VAT1L: variants seen among roughly 807,000 people sequenced by gnomAD.
The protein encoded by VAT1L is vesicle amine transport 1 like, also known as putative NADPH-dependent quinone oxidoreductase VAT1L.
Under a neutral mutation model 44.1 loss-of-function variants are expected in VAT1L, and 34 were observed. That is an observed-to-expected ratio of 0.77 (90% CI 0.59 to 1.03). The LOEUF is 1.03. Among genes scored for constraint, VAT1L ranks in the 50% least tolerant of loss-of-function variants. VAT1L has a pLI of 0.00. For missense variants in VAT1L, 615 were observed against 538.8 expected, an observed-to-expected ratio of 1.14 and a Z score of -1.40; for synonymous variants, 253 against 202.2, an observed-to-expected ratio of 1.25 and a Z score of -2.13.
chr16:77,857,121 C>G (rs908652526), intron 3 of VAT1L, among the ~76,000 whole-genome samples: 1 of 152,160 alleles, frequency 6.6e-6, no homozygotes, highest in Admixed American at 6.5e-5. Flanking sequence ...AGAATTCTTA[C>G]GTTCAAAAGA....
chr16:77,808,191 G>T (rs976841773), intron 1 of VAT1L, among the ~76,000 whole-genome samples: 1 of 152,084 alleles, frequency 6.6e-6, no homozygotes, highest in African/African-American at 2.4e-5. Flanking sequence ...ATCAGCGGCA[G>T]CATTAGGTTC....
chr16:77,858,360 T>C (rs1454469659), intron 3 of VAT1L, among the ~76,000 whole-genome samples: 1 of 152,142 alleles, frequency 6.6e-6, no homozygotes, highest in African/African-American at 2.4e-5. Flanking sequence ...GCGTTGATGC[T>C]AAAATAGCAT....
chr16:77,852,360 G>C (rs1359382845), intron 3 of VAT1L, among the ~76,000 whole-genome samples: 1 of 152,226 alleles, frequency 6.6e-6, no homozygotes, highest in African/African-American at 2.4e-5. Flanking sequence ...CGTGAGGACG[G>C]GGTGTCAGGA....
intron 7 of VAT1L, among the ~76,000 whole-genome samples, chr16:77,888,528 A>G (rs1019825866): frequency 6.6e-6 from 1 of 152,250 alleles, no homozygotes; most frequent in Non-Finnish European, 1.5e-5. Flanking sequence ...TTAAAAGATT[A>G]TGTTAAGACA....
At chr16:77,903,941 T>C (rs985543605) in intron 7 of VAT1L, among the ~76,000 whole-genome samples, 1 of 151,884 alleles carries the variant, frequency 6.6e-6, no homozygotes, top group Non-Finnish European at 1.5e-5. Flanking sequence ...TTTCACCATG[T>C]TAGCAAGGAT....
At chr16:77,955,723 C>A (rs542048945) in intron 7 of VAT1L, among the ~76,000 whole-genome samples, 13 of 123,232 alleles carry the variant, frequency 1.1e-4, no homozygotes, top group African/African-American at 4.1e-4. Context: ...TCCATATCCC[C>A]CCCCCCAAAA....
intron 2 of VAT1L, among the ~76,000 whole-genome samples, chr16:77,822,862 G>A (rs529767592): frequency 6.6e-6 from 1 of 152,146 alleles, no homozygotes; most frequent in Admixed American, 6.5e-5. Flanking sequence ...TGTGGTTCAG[G>A]TGTCTTTTCT....
chr16:77,969,983 G>C (rs1419921156), intron 7 of VAT1L, among the ~76,000 whole-genome samples: 1 of 148,292 alleles, frequency 6.7e-6, no homozygotes, highest in African/African-American at 2.5e-5. Context: ...GGAGGCCAAC[G>C]GGGGAGGATC....
intron 3 of VAT1L, among the ~76,000 whole-genome samples, chr16:77,842,880 AGG>A (rs2016720725): frequency 6.6e-6 from 1 of 152,226 alleles, no homozygotes; most frequent in East Asian, 1.9e-4. Flanking sequence ...AAATTAAACA[AGG>A]AAATGTATTT....
chr16:77,975,572 A>G (rs1377134140), intron 8 of VAT1L, among the ~76,000 whole-genome samples: 1 of 152,076 alleles, frequency 6.6e-6, no homozygotes, highest in African/African-American at 2.4e-5. Flanking sequence ...TGCAGGACAC[A>G]CACTGCTCCT....
At chr16:77,828,962 T>A (rs930890559) in intron 3 of VAT1L, among the ~76,000 whole-genome samples, 2 of 152,224 alleles carry the variant, frequency 1.3e-5, no homozygotes, top group African/African-American at 4.8e-5. Flanking sequence ...GTTAATTTGT[T>A]GCCACTTATG....
chr16:77,946,840 C>G (rs1037199333), intron 7 of VAT1L, among the ~76,000 whole-genome samples: 3 of 152,076 alleles, frequency 2.0e-5, no homozygotes, highest in African/African-American at 7.2e-5. Flanking sequence ...GGGATCAGTC[C>G]CATTTGAGAT....
intron 7 of VAT1L, among the ~76,000 whole-genome samples, chr16:77,936,975 A>G (rs2017806939): frequency 6.6e-6 from 1 of 152,110 alleles, no homozygotes; most frequent in South Asian, 2.1e-4. Context: ...TCCTCCACCT[A>G]CCGGGTTCAA....
At chr16:77,836,592 C>A (rs561192777) in intron 3 of VAT1L, among the ~76,000 whole-genome samples, 1 of 152,096 alleles carries the variant, frequency 6.6e-6, no homozygotes, top group African/African-American at 2.4e-5. Context: ...TGTTGTGGAA[C>A]GAGGGCCCCG....
chr16:77,840,794 C>T (rs1462430232), intron 3 of VAT1L, among the ~76,000 whole-genome samples: 2 of 152,146 alleles, frequency 1.3e-5, no homozygotes, highest in Non-Finnish European at 2.9e-5. Context: ...CTTCACCTCT[C>T]GAAGTCTCAG....
chr16:77,853,174 C>T (rs1330955073), intron 3 of VAT1L, among the ~76,000 whole-genome samples: 2 of 152,130 alleles, frequency 1.3e-5, no homozygotes, highest in Admixed American at 1.3e-4. Flanking sequence ...CCCGGTGCAC[C>T]GTGGCCAAGC....
At chr16:77,825,164 G>C in intron 2 of VAT1L, 82 bp from the exon 3 acceptor site, 1 of 1,507,054 alleles carries the variant, frequency 6.6e-7, no homozygotes, top group Non-Finnish European at 9.2e-7. Context: ...ACAGCGCCTG[G>C]CCAGCTCCCA....
At chr16:77,845,976 C>A (rs573388221) in intron 3 of VAT1L, among the ~76,000 whole-genome samples, 1 of 152,128 alleles carries the variant, frequency 6.6e-6, no homozygotes, top group Admixed American at 6.5e-5. Context: ...GCAATTATCC[C>A]GGGTCTTCCT....
chr16:77,864,293 A>G (rs188082265), intron 4 of VAT1L, among the ~76,000 whole-genome samples: 284 of 152,320 alleles, frequency 1.9e-3, no homozygotes, highest in Non-Finnish European at 2.4e-3. Context: ...TCCAGATAGA[A>G]TCATAATAAA....
Sources: gnomAD v4.1 joint callset for allele counts (sites outside exome capture counted in the v4.1 genomes callset) on GRCh38, gnomAD v4.1.1 for gene constraint, MANE v1.5 for transcripts, NCBI Gene and HGNC (gene_info 2026-07-23, HGNC 2026-07-21) for gene names.